The following MAN2A1 variants were observed in gnomAD, a reference collection of about 807,000 sequenced individuals.
The protein encoded by MAN2A1 is alpha-mannosidase 2.
MAN2A1 carries 76 observed loss-of-function variants against 142.6 expected under a neutral mutation model. The observed-to-expected ratio is 0.53, with a 90% CI of 0.44 to 0.65. The LOEUF (loss-of-function observed/expected upper bound fraction) is 0.65, where lower values mean the gene tolerates loss of function less well. MAN2A1 is among the 30% of genes least tolerant of loss of function. MAN2A1 has a pLI of 0.00. For synonymous variants in MAN2A1, 559 were observed against 473.2 expected (o/e 1.18, Z -2.35); for missense variants, 1,311 against 1,365.1 (o/e 0.96, Z 0.62).
intron 4 of MAN2A1, among the ~76,000 whole-genome samples, chr5:109,742,871 A>G (rs974895511): frequency 2.0e-5 from 3 of 152,198 alleles, no homozygotes; most frequent in Admixed American, 6.5e-5. Context: ...TTTAGAAAGC[A>G]TATGTTCTAT....
At chr5:109,844,058 A>G (rs894798909) in intron 17 of MAN2A1, among the ~76,000 whole-genome samples, 2 of 152,200 alleles carry the variant, frequency 1.3e-5, no homozygotes, top group African/African-American at 4.8e-5. Context: ...GACTACAGCC[A>G]TTTGGATTCC....
intron 16 of MAN2A1, among the ~76,000 whole-genome samples, chr5:109,834,718 A>G (rs963901854): frequency 4.6e-5 from 7 of 152,234 alleles, no homozygotes; most frequent in African/African-American, 1.4e-4. Flanking sequence ...AAAGCAGTAT[A>G]TCATCATTTT....
At chr5:109,863,206 C>G (rs1755798968) in intron 20 of MAN2A1, 1 of 152,142 alleles carries the variant, frequency 6.6e-6, no homozygotes, top group Admixed American at 6.5e-5. Flanking sequence ...TAATCTGAAT[C>G]CAGACTTTGT....
chr5:109,854,925 T>C (rs1755568102), intron 19 of MAN2A1: 2 of 379,712 alleles, frequency 5.3e-6, no homozygotes, highest in Non-Finnish European at 9.2e-6. Context: ...AGATATATTT[T>C]AAACATATGA....
chr5:109,791,404 T>A (rs1753733880), intron 12 of MAN2A1, among the ~76,000 whole-genome samples: 1 of 152,098 alleles, frequency 6.6e-6, no homozygotes, highest in Non-Finnish European at 1.5e-5. Context: ...GATAGTGGCC[T>A]TTAAAATGGA....
At chr5:109,857,359 T>C (rs779682636) in intron 20 of MAN2A1, among the ~76,000 whole-genome samples, 6 of 152,204 alleles carry the variant, frequency 3.9e-5, no homozygotes, top group Non-Finnish European at 7.3e-5. Flanking sequence ...CGAGGTGTCG[T>C]GTCATAAATT....
chr5:109,757,816 T>C (rs529581145), intron 5 of MAN2A1, among the ~76,000 whole-genome samples: 2 of 152,290 alleles, frequency 1.3e-5, no homozygotes, highest in South Asian at 2.1e-4. Flanking sequence ...CCTTTGGTGA[T>C]TGGATTCTTG....
chr5:109,730,754 AT>A (rs976253344), intron 4 of MAN2A1, among the ~76,000 whole-genome samples: 1 of 152,150 alleles, frequency 6.6e-6, no homozygotes, highest in African/African-American at 2.4e-5. Flanking sequence ...AATAGGTACA[AT>A]TGTTATCATT....
At chr5:109,863,809 T>G (rs151241293) in intron 20 of MAN2A1, 4 of 152,326 alleles carry the variant, frequency 2.6e-5, no homozygotes, top group Admixed American at 2.6e-4. Flanking sequence ...ATTAGAAATT[T>G]TTATCATATG....
chr5:109,700,904 C>T (rs550588381), intron 1 of MAN2A1, among the ~76,000 whole-genome samples: 29 of 152,282 alleles, frequency 1.9e-4, no homozygotes, highest in South Asian at 1.7e-3. Context: ...ACATATGTTA[C>T]TTGTTTTGAA....
At chr5:109,831,312 A>T (rs926579940) in intron 16 of MAN2A1, among the ~76,000 whole-genome samples, 5 of 152,224 alleles carry the variant, frequency 3.3e-5, no homozygotes, top group Non-Finnish European at 7.3e-5. Context: ...GTTTACTATT[A>T]TAAGACAAAG....
intron 16 of MAN2A1, among the ~76,000 whole-genome samples, chr5:109,825,384 A>G (rs1418539942): frequency 6.6e-6 from 1 of 152,242 alleles, no homozygotes; most frequent in Non-Finnish European, 1.5e-5. Flanking sequence ...TTCATCAGTT[A>G]TATTTAGAGA....
intron 20 of MAN2A1, among the ~76,000 whole-genome samples, chr5:109,857,466 C>T (rs527915943): frequency 5.1e-4 from 77 of 152,230 alleles, no homozygotes; most frequent in Non-Finnish European, 9.6e-4. Flanking sequence ...AGGACATCAG[C>T]GACCTGAAGA....
At chr5:109,784,424 T>A (rs113032890) in intron 9 of MAN2A1, among the ~76,000 whole-genome samples, 2,823 of 152,238 alleles carry the variant, frequency 0.019, 34 homozygotes, top group Middle Eastern at 0.071. Context: ...TTATCCAATT[T>A]TTCAGATTTT....
At chr5:109,702,223 C>T (rs1014721241) in intron 1 of MAN2A1, among the ~76,000 whole-genome samples, 2 of 151,954 alleles carry the variant, frequency 1.3e-5, no homozygotes, top group Non-Finnish European at 1.5e-5. Context: ...TTCAAAGAAG[C>T]GTTTTAGTAG....
chr5:109,710,509 A>T (rs71575306), intron 1 of MAN2A1, among the ~76,000 whole-genome samples: 26,619 of 147,108 alleles, frequency 0.18, 3,215 homozygotes, highest in East Asian at 0.64. Flanking sequence ...AAAATGTGGT[A>T]TTTTTTTTTT....
At chr5:109,765,776 A>AT in intron 5 of MAN2A1, among the ~76,000 whole-genome samples, 1 of 152,024 alleles carries the variant, frequency 6.6e-6, no homozygotes, top group East Asian at 1.9e-4. Context: ...TGCATTATTT[A>AT]TTTTCACACC....
rs567079698 is a variant in MAN2A1 at position 109,811,036 on chromosome 5, T to C, written c.1944-6237T>C. ...TTGTTCTTTAATCTCATTTTTAAGA[T>C]AGAAAAATTTTTAGTTTTTTGTTAC... On this transcript the variant is annotated intron_variant, in intron 12 of 21. Coordinates refer to ENST00000261483, the MANE Select transcript of MAN2A1 (RefSeq NM_002372.4). 7.2e-5 allele frequency among the ~76,000 whole-genome samples: 11 copies of C among 152,064 alleles called. No individual in the cohort carries two copies. The South Asian group carries it at 1.7e-3, about 23-fold the overall frequency.
intron 1 of MAN2A1, among the ~76,000 whole-genome samples, chr5:109,695,910 T>G (rs1750798164): frequency 6.6e-6 from 1 of 152,238 alleles, no homozygotes; most frequent in Admixed American, 6.5e-5. Flanking sequence ...GTTTGAGGAT[T>G]AATTGTACTG....
Sources: gnomAD v4.1 joint callset for allele counts (sites outside exome capture counted in the v4.1 genomes callset) on GRCh38, gnomAD v4.1.1 for gene constraint, MANE v1.5 for transcripts, NCBI Gene and HGNC (gene_info 2026-07-23, HGNC 2026-07-21) for gene names.